The following TIAM2 variants were observed in gnomAD, a reference collection of about 807,000 sequenced individuals.
TIAM2 encodes TIAM Rac1 associated GEF 2.
In TIAM2, 80 loss-of-function variants were observed where a neutral mutation model predicts 152.9. That is an observed-to-expected ratio of 0.52 (90% CI 0.44 to 0.63). The LOEUF is 0.63. TIAM2 is among the 30% of genes least tolerant of loss of function. The pLI is 0.00. For missense variants in TIAM2, 1,965 were observed against 2,120.1 expected (o/e 0.93, Z 1.44); for synonymous variants, 804 against 838.0 (o/e 0.96, Z 0.70).
intron 1 of TIAM2, among the ~76,000 whole-genome samples, chr6:155,077,374 T>C (rs572579804): frequency 2.6e-4 from 39 of 152,332 alleles, no homozygotes; most frequent in African/African-American, 8.9e-4. Flanking sequence ...AATATTACTA[T>C]AGATATTGAA....
chr6:155,134,673 T>G (rs1022568601), intron 4 of TIAM2, among the ~76,000 whole-genome samples: 7 of 151,988 alleles, frequency 4.6e-5, no homozygotes, highest in Admixed American at 3.3e-4. Context: ...AGATGAGAAG[T>G]GTTTCTTCAC....
rs189076378 is a variant in TIAM2, at chr6:155,048,015, C to T, written c.-208-42274C>T. ...TCGCCCAGGCTGGAGTGCAGTGGCG[C>T]GATCTCCACTCACTGCAACCTCTAC... On this transcript the variant is annotated intron_variant, in intron 1 of 26. Transcript: ENST00000682666. 3.7e-3 allele frequency among the ~76,000 whole-genome samples: 564 copies of T among 151,668 alleles called. 3 individuals are homozygous for T. Among genetic ancestry groups the T allele is most frequent in the African/African-American group, 0.012 (509 of 41,350 alleles).
chr6:155,043,802 C>A (rs945086943), intron 1 of TIAM2, among the ~76,000 whole-genome samples: 4 of 152,044 alleles, frequency 2.6e-5, no homozygotes, highest in Non-Finnish European at 4.4e-5. Context: ...CAATTTCTTG[C>A]AGGTTAATCA....
At chr6:155,035,960 G>C (rs1044586469) in intron 1 of TIAM2, among the ~76,000 whole-genome samples, 3 of 152,126 alleles carry the variant, frequency 2.0e-5, no homozygotes, top group Non-Finnish European at 2.9e-5. Context: ...CTTGGAGCTT[G>C]TGTTTAATGC....
chr6:155,099,183 A>G (rs936744870), intron 2 of TIAM2, among the ~76,000 whole-genome samples: 3 of 150,832 alleles, frequency 2.0e-5, no homozygotes, highest in Non-Finnish European at 4.4e-5. Context: ...GCAAAACTCC[A>G]TGTCTCTCTT....
At chr6:155,049,985 A>G (rs1777282811) in intron 1 of TIAM2, among the ~76,000 whole-genome samples, 1 of 152,184 alleles carries the variant, frequency 6.6e-6, no homozygotes, top group South Asian at 2.1e-4. Flanking sequence ...GAGAGTACAA[A>G]TATTTTTGCT....
At chr6:155,118,302 T>C (rs1055645225) in intron 2 of TIAM2, among the ~76,000 whole-genome samples, 2 of 152,214 alleles carry the variant, frequency 1.3e-5, no homozygotes, top group Non-Finnish European at 2.9e-5. Flanking sequence ...TGTATTCTCT[T>C]GTGGATTCGG....
At chr6:155,149,837 C>G (rs1779908329) in intron 7 of TIAM2, among the ~76,000 whole-genome samples, 1 of 151,656 alleles carries the variant, frequency 6.6e-6, no homozygotes, top group Non-Finnish European at 1.5e-5. Context: ...GCAGGAGAAT[C>G]GCTTGAACCT....
At chr6:155,127,677 A>G in intron 3 of TIAM2, 77 bp downstream of exon 3, 1 of 440,956 alleles carries the variant, frequency 2.3e-6, no homozygotes, top group South Asian at 1.6e-5. Flanking sequence ...AGGTTTAATT[A>G]TTTGGGCTAG....
rs576242019 is a variant in TIAM2 at position 155,176,809 on chromosome 6, C to T, written c.2362-7C>T. ...TGTCTGCATTTTCTTTTGGCATCTA[C>T]AAACAGGTCGATGAACTTCTGCATA... On this transcript the variant is annotated splice_region_variant and splice_polypyrimidine_tract_variant and intron_variant, in intron 9 of 26. Coordinates refer to ENST00000682666, the MANE Select transcript of TIAM2 (RefSeq NM_012454.4). The T allele has an allele frequency of 7.0e-5, 112 of 1,605,130 alleles. No homozygotes were observed. In the South Asian group the frequency reaches 1.2e-3, roughly 17 times the overall value.
intron 19 of TIAM2, 87 bp from the exon 20 acceptor site, chr6:155,247,913 A>G: frequency 6.9e-7 from 1 of 1,457,732 alleles, no homozygotes. Context: ...CTATAGAAAT[A>G]GATGATCTAT....
intron 8 of TIAM2, 122 bp downstream of exon 8, chr6:155,164,722 C>A: frequency 1.6e-6 from 2 of 1,218,562 alleles, no homozygotes; most frequent in Non-Finnish European, 2.3e-6. Context: ...ACCTAGAGGC[C>A]AGGTCACCCA....
chr6:155,025,413 C>A (rs183115757), intron 1 of TIAM2, among the ~76,000 whole-genome samples: 2 of 152,076 alleles, frequency 1.3e-5, no homozygotes, highest in East Asian at 3.9e-4. Context: ...AATCTCCTGA[C>A]CTCGTGATCT....
intron 15 of TIAM2, among the ~76,000 whole-genome samples, 163 bp downstream of exon 15, chr6:155,211,470 A>G (rs1026965536): frequency 1.3e-5 from 2 of 151,720 alleles, no homozygotes; most frequent in Non-Finnish European, 2.9e-5. Flanking sequence ...TTATTTATGT[A>G]TTTTTTTGAA....
chr6:155,015,944 C>CAAAAAAAAAAAAA (rs3081689), intron 1 of TIAM2, among the ~76,000 whole-genome samples: 3 of 61,762 alleles, frequency 4.9e-5, no homozygotes, highest in Non-Finnish European at 7.4e-5. Context: ...TTCAAAAAAC[C>CAAAAAAAAAAAAA]AAAAAAAAAA....
intron 1 of TIAM2, among the ~76,000 whole-genome samples, chr6:155,026,001 C>T (rs1281244719): frequency 2.0e-5 from 3 of 152,108 alleles, no homozygotes; most frequent in Non-Finnish European, 4.4e-5. Flanking sequence ...CTACACATCT[C>T]ACAAATAGAA....
At chr6:155,207,438 G>T (rs1392165736) in intron 14 of TIAM2, among the ~76,000 whole-genome samples, 1 of 152,192 alleles carries the variant, frequency 6.6e-6, no homozygotes, top group Non-Finnish European at 1.5e-5. Flanking sequence ...GCACATTGCT[G>T]GTGGCTGCAG....
Position 155,129,110 on chromosome 6 carries a change from G to T in TIAM2, c.-6-108G>T. 9.9e-7 allele frequency: 1 copy of T among 1,006,212 alleles called. No individual in the cohort carries two copies. The highest frequency in any genetic ancestry group is 1.4e-6 in the Non-Finnish European group (1 of 692,634). The allele number at this position is 1,006,212 out of a possible 1,614,324, so 62.3% of individuals were successfully genotyped here. ...GTCCCTACTCCTCTGAGTCCTTCCA[G>T]GCACTGAAGTTGCTGTGTAATATGC... On this transcript the variant is annotated intron_variant, in intron 3 of 26. Transcript: ENST00000682666. The surrounding 1 kb of genome is among the most constrained non-coding windows in gnomAD (Gnocchi z 4.8).
chr6:154,999,193 C>G (rs1778270592), intron 1 of TIAM2, among the ~76,000 whole-genome samples: 1 of 128,096 alleles, frequency 7.8e-6, no homozygotes, highest in Non-Finnish European at 1.7e-5. Context: ...ATTTGATATG[C>G]TATAGGAAAA....
Sources: allele counts gnomAD v4.1 joint callset (sites outside exome capture counted in the v4.1 genomes callset), GRCh38; gene constraint gnomAD v4.1.1; non-coding constraint Gnocchi (gnomAD v3.1); transcripts MANE v1.5; gene names NCBI Gene and HGNC (gene_info 2026-07-23, HGNC 2026-07-21).